VPS33B: variants seen among roughly 807,000 people sequenced by gnomAD.
The protein encoded by VPS33B is VPS33B late endosome and lysosome associated.
VPS33B carries 80 observed loss-of-function variants against 95.3 expected under a neutral mutation model. The ratio of observed to expected loss-of-function variants is 0.84; its 90% CI spans 0.70 to 1.01. The LOEUF is 1.01. Among genes scored for constraint, VPS33B ranks in the 50% least tolerant of loss-of-function variants. VPS33B has a pLI of 0.00. For synonymous variants in VPS33B, 280 were observed against 280.4 expected (o/e 1.00, Z 0.01); for missense variants, 715 against 773.4 (o/e 0.92, Z 0.90).
At position 90,999,597 on chromosome 15, in the gene VPS33B, G is replaced by C; in HGVS notation, c.1774+80C>G. 6.8e-7 allele frequency: 1 copy of C among 1,461,826 alleles called. No homozygotes were observed. The allele number at this position is 1,461,826 out of a possible 1,614,324, so 90.6% of individuals were successfully genotyped here. A position where few individuals can be genotyped will look rare whatever the true frequency, so the allele number is the denominator to read the frequency against. On this transcript the variant is annotated intron_variant, in intron 22 of 22. Coordinates refer to ENST00000333371, the MANE Select transcript of VPS33B (RefSeq NM_018668.5). The surrounding 1 kb of genome is among the most constrained non-coding windows in gnomAD (Gnocchi z 5.1). ...GCCTCCCAAAGTGCTGAGATTACAG[G>C]TATGAACCACCGTGCCCAGCTGACA...
Position 90,999,592 on chromosome 15 carries a change from T to C in VPS33B, c.1774+85A>G. ...CCTCCGCCTCCCAAAGTGCTGAGAT[T>C]ACAGGTATGAACCACCGTGCCCAGC... On this transcript the variant is annotated intron_variant, in intron 22 of 22. Coordinates refer to ENST00000333371, the MANE Select transcript of VPS33B (RefSeq NM_018668.5). This position sits in a 1 kb window ranked among gnomAD's most constrained non-coding sequence, Gnocchi z 5.1. 3.5e-6 allele frequency: 5 copies of C among 1,420,116 alleles called. No individual in the cohort carries two copies. The highest frequency in any genetic ancestry group is 5.0e-6 in the Non-Finnish European group (5 of 1,008,648). 88.0% of individuals were successfully genotyped at this position (1,420,116 alleles called of 1,614,324 possible).
chr15:91,003,258 G>C (rs895696546), intron 16 of VPS33B, 127 bp from the exon 17 acceptor site: 3 of 951,846 alleles, frequency 3.2e-6, no homozygotes, highest in African/African-American at 1.6e-5. Flanking sequence ...TAACCCTGCA[G>C]AGTATACATT....
chr15:91,014,509 A>G (rs2040869735), intron 3 of VPS33B, 76 bp from the exon 4 acceptor site: 1 of 1,531,772 alleles, frequency 6.5e-7, no homozygotes, highest in Admixed American at 1.7e-5. Flanking sequence ...AACTGAAACA[A>G]TACCAACTCT....
chr15:91,015,614 C>T lies in VPS33B; in HGVS notation c.240-1181G>A, dbSNP rs1004380449. The stretch of plus-strand genomic sequence containing the variant: ...TTGCTTGAACCTGGGAGGCAGATCC[C>T]GCCACTGCACTCCAACCTGGGTGAC... On this transcript the variant is annotated intron_variant, in intron 3 of 22. Transcript: ENST00000333371. The surrounding 1 kb of genome is among the most constrained non-coding windows in gnomAD (Gnocchi z 4.7). 4.0e-5 allele frequency among the ~76,000 whole-genome samples: 6 copies of T among 151,640 alleles called. No homozygotes were observed. Among genetic ancestry groups the T allele is most frequent in the African/African-American group, 1.2e-4 (5 of 41,338 alleles).
rs2040489062 is a variant in VPS33B, at chr15:91,003,068, C to T, written c.1272+17G>A. 5.0e-6 allele frequency: 8 copies of T among 1,614,016 alleles called. No individual in the cohort carries two copies. The highest frequency in any genetic ancestry group is 6.8e-6 in the Non-Finnish European group (8 of 1,179,858). On this transcript the variant is annotated intron_variant, in intron 17 of 22. Transcript: ENST00000333371. ...CCTCCATCAAGTTCCCTCAAGAATA[C>T]ATTCTCCAGGCCTTACCTGCAGATA...
At position 91,006,341 on chromosome 15, in the gene VPS33B, G is replaced by A; in HGVS notation, c.852+31C>T. ...AGCCTGGTATAAGCAGTGGCCCTAG[G>A]TGGGCCCATTGCTAGCACCCACACC... On this transcript the variant is annotated intron_variant, in intron 11 of 22. Coordinates refer to ENST00000333371, the MANE Select transcript of VPS33B (RefSeq NM_018668.5). This position sits in a 1 kb window ranked among gnomAD's most constrained non-coding sequence, Gnocchi z 5.4. 6.2e-7 allele frequency: 1 copy of A among 1,612,698 alleles called. No homozygotes were observed. The highest frequency in any genetic ancestry group is 1.1e-5 in the South Asian group (1 of 91,030).
Position 91,009,022 on chromosome 15 carries a change from G to A in VPS33B, c.403+779C>T, listed in dbSNP as rs967157575. Among the ~76,000 whole-genome samples the A allele has an allele frequency of 2.0e-5, 3 of 152,160 alleles. No individual in the cohort carries two copies. The highest frequency in any genetic ancestry group is 7.2e-5 in the African/African-American group (3 of 41,428). ...AGACTGTGCAAGGGATAGGAGGCAT[G>A]TTGGGGATTCTGGGCTTTATATTGA... On this transcript the variant is annotated intron_variant, in intron 6 of 22. Transcript: ENST00000333371. The surrounding 1 kb of genome is among the most constrained non-coding windows in gnomAD (Gnocchi z 4.1).
chr15:91,010,487 G>T lies in VPS33B; in HGVS notation c.358-641C>A, dbSNP rs1231053222. On this transcript the variant is annotated intron_variant, in intron 5 of 22. Transcript: ENST00000333371. This position sits in a 1 kb window ranked among gnomAD's most constrained non-coding sequence, Gnocchi z 5.7. ...CATGGTGGTGTGTGCCTGTAGTCCAGTTACTCAGGAGGCTGAGGTGGGAGG... is the reference window on the plus strand; with the variant it reads ...CATGGTGGTGTGTGCCTGTAGTCCATTTACTCAGGAGGCTGAGGTGGGAGG... Among the ~76,000 whole-genome samples the T allele has an allele frequency of 1.3e-5, 2 of 152,198 alleles. No individual in the cohort carries two copies. Among genetic ancestry groups the T allele is most frequent in the African/African-American group, 2.4e-5 (1 of 41,456 alleles).
intron 16 of VPS33B, among the ~76,000 whole-genome samples, chr15:91,004,508 A>T (rs572818253): frequency 3.3e-5 from 5 of 152,290 alleles, no homozygotes; most frequent in Admixed American, 6.5e-5. Context: ...TTGTCTCAAA[A>T]AAATAAATAA....
At chr15:91,003,021 T>G (rs1016871568) in intron 17 of VPS33B, 64 bp downstream of exon 17, 1 of 1,582,586 alleles carries the variant, frequency 6.3e-7, no homozygotes, top group East Asian at 2.2e-5. Flanking sequence ...TCTTGCCTCT[T>G]TCAAAAATGC....
At position 91,005,173 on chromosome 15, in the gene VPS33B, TCTATG is replaced by T. The variant is rs1236707300; in HGVS notation, c.1106-59_1106-55del. The T allele has an allele frequency of 6.2e-7, 1 of 1,613,954 alleles. No homozygotes were observed. Among genetic ancestry groups the T allele is most frequent in the East Asian group, 2.2e-5 (1 of 44,870 alleles). ...CTGGGGGCCAGCTCAGCTGCTGCCA[TCTATG>T]CTAACAGGTGTCTGTCTCCCCATCT... On this transcript the variant is annotated intron_variant, in intron 14 of 22. Coordinates refer to ENST00000333371, the MANE Select transcript of VPS33B (RefSeq NM_018668.5). The surrounding 1 kb of genome is among the most constrained non-coding windows in gnomAD (Gnocchi z 6.4).
chr15:91,012,089 G>GT (rs1447173301), intron 5 of VPS33B, among the ~76,000 whole-genome samples: 3 of 149,426 alleles, frequency 2.0e-5, no homozygotes, highest in African/African-American at 7.4e-5. Flanking sequence ...AAAAAGGTTT[G>GT]TAAGAGTCCA....
In VPS33B at chr15:91,004,785, G is replaced by A. The variant is rs569020704; in HGVS notation, c.1225+92C>T. The A allele has an allele frequency of 3.5e-6, 5 of 1,416,458 alleles. No homozygotes were observed. The East Asian group carries it at 1.1e-4, about 32-fold the overall frequency. The allele number at this position is 1,416,458 out of a possible 1,614,324, so 87.7% of individuals were successfully genotyped here. ...TACAGGGAAACATTCTGTTTGCTAA[G>A]ACATTTGCCTTAGCCTTTCAAAATC... On this transcript the variant is annotated intron_variant, in intron 16 of 22. Coordinates refer to ENST00000333371, the MANE Select transcript of VPS33B (RefSeq NM_018668.5).
intron 3 of VPS33B, 71 bp from the exon 4 acceptor site, chr15:91,014,504 A>G (rs2040869325): frequency 1.3e-6 from 2 of 1,538,386 alleles, no homozygotes; most frequent in Admixed American, 3.3e-5. Flanking sequence ...GAAGAAACTG[A>G]AACAATACCA....
rs755318629 is a variant in VPS33B, at chr15:90,999,873, G to A, written c.1657+27C>T. On this transcript the variant is annotated intron_variant, in intron 21 of 22. Coordinates refer to ENST00000333371, the MANE Select transcript of VPS33B (RefSeq NM_018668.5). This position sits in a 1 kb window ranked among gnomAD's most constrained non-coding sequence, Gnocchi z 5.1. Reference sequence around the variant, plus strand: ...GCATCCAGCCCACCTCTCACTGCCAGCCTACCCCACTGTTAATGCCACATA... The same window carrying A: ...GCATCCAGCCCACCTCTCACTGCCAACCTACCCCACTGTTAATGCCACATA... 2.5e-6 allele frequency: 4 copies of A among 1,614,014 alleles called. No individual in the cohort carries two copies. The highest frequency in any genetic ancestry group is 3.3e-5 in the Admixed American group (2 of 59,998).
In VPS33B at chr15:91,009,910, G is replaced by A. The variant is rs568939183; in HGVS notation, c.358-64C>T. On this transcript the variant is annotated intron_variant, in intron 5 of 22. Transcript: ENST00000333371. This position sits in a 1 kb window ranked among gnomAD's most constrained non-coding sequence, Gnocchi z 4.1. ...TCTCTGTTCTCTCCATTTCTCTGGA[G>A]TTCCTCTGTGGTCACTGATGAGGAC... The A allele has an allele frequency of 3.8e-6, 6 of 1,593,616 alleles. No individual in the cohort carries two copies. The African/African-American group carries it at 5.4e-5, about 14-fold the overall frequency.
chr15:91,011,713 C>T lies in VPS33B; in HGVS notation c.358-1867G>A, dbSNP rs116704270. On this transcript the variant is annotated intron_variant, in intron 5 of 22. Transcript: ENST00000333371. The surrounding 1 kb of genome is among the most constrained non-coding windows in gnomAD (Gnocchi z 5.5). ...TAATACAAATCTGTCCTTGGCCAGG[C>T]GCAGTGGCTCATGCCTGTAATCCTA... is the stretch of plus-strand genomic sequence containing the variant. 0.01 allele frequency among the ~76,000 whole-genome samples: 1,547 copies of T among 152,202 alleles called. 26 individuals carry two copies. Among genetic ancestry groups the T allele is most frequent in the African/African-American group, 0.034 (1,414 of 41,514 alleles).
At position 91,011,492 on chromosome 15, in the gene VPS33B, C is replaced by G; in HGVS notation, c.358-1646G>C. On this transcript the variant is annotated intron_variant, in intron 5 of 22. Coordinates refer to ENST00000333371, the MANE Select transcript of VPS33B (RefSeq NM_018668.5). The surrounding 1 kb of genome is among the most constrained non-coding windows in gnomAD (Gnocchi z 5.5). Reference sequence around the variant, plus strand: ...AAGTAATGGAATTCCAGAGCCAGGTCTGAAAACTGCCAATCTTCATAATTA... The same window carrying G: ...AAGTAATGGAATTCCAGAGCCAGGTGTGAAAACTGCCAATCTTCATAATTA... Among the ~76,000 whole-genome samples the G allele has an allele frequency of 6.6e-6, 1 of 152,200 alleles. No homozygotes were observed. Among genetic ancestry groups the G allele is most frequent in the East Asian group, 1.9e-4 (1 of 5,200 alleles).
rs889302310 is a variant in VPS33B, at chr15:91,015,273, T to A, written c.240-840A>T. On this transcript the variant is annotated intron_variant, in intron 3 of 22. Transcript: ENST00000333371. This position sits in a 1 kb window ranked among gnomAD's most constrained non-coding sequence, Gnocchi z 4.7. ...ATCGCTTGAACCCAGGAGGTGGAGG[T>A]TACAGTGAGCCCAGATCGCGCCATT... Among the ~76,000 whole-genome samples, 25 of 151,342 alleles carry A rather than the reference T, an allele frequency of 1.7e-4. No individual in the cohort carries two copies. Among genetic ancestry groups the A allele is most frequent in the African/African-American group, 5.8e-4 (24 of 41,168 alleles).
Sources: gnomAD v4.1 joint callset for allele counts (sites outside exome capture counted in the v4.1 genomes callset) on GRCh38, gnomAD v4.1.1 for gene constraint, Gnocchi (gnomAD v3.1) non-coding constraint, MANE v1.5 for transcripts, NCBI Gene and HGNC (gene_info 2026-07-23, HGNC 2026-07-21) for gene names.